Variants in PCSK6 observed in about 807,000 individuals in gnomAD.
PCSK6 encodes proprotein convertase subtilisin/kexin type 6.
A neutral mutation model predicts 123.3 loss-of-function variants in PCSK6; 85 were observed. The observed-to-expected ratio is 0.69, with a 90% CI of 0.58 to 0.83. The LOEUF (loss-of-function observed/expected upper bound fraction) is 0.83. PCSK6 is among the 40% of genes least tolerant of loss of function. The pLI is 0.00. For missense variants in PCSK6, 1,191 were observed against 1,282.3 expected (o/e 0.93, Z 1.09); for synonymous variants, 508 against 516.0 (o/e 0.98, Z 0.21).
chr15:101,476,514 T>C (rs1403051027), intron 1 of PCSK6, among the ~76,000 whole-genome samples: 1 of 136,820 alleles, frequency 7.3e-6, no homozygotes, highest in Non-Finnish European at 1.5e-5. Context: ...GAAGAAAACC[T>C]AGGTAGGTCC....
rs557556723 is a variant in PCSK6, at chr15:101,370,375, C to G, written c.1681G>C (p.Val561Leu). 6.4e-7 allele frequency: 1 copy of G among 1,553,954 alleles called. No homozygotes were observed. Among genetic ancestry groups the G allele is most frequent in the Non-Finnish European group, 8.7e-7 (1 of 1,148,412 alleles). The change falls in exon 12 of 22, where the codon GTT (valine) becomes CTT (leucine). Residue 561 changes from valine (V) to leucine (L), a missense_variant. Physicochemically the swap from Val to Leu is conservative, Grantham distance 32. Around this residue, in one of 3 missense-constraint regions of PCSK6, gnomAD observed 630 missense variants for 631.4 expected, o/e 1.00. Transcript: ENST00000611716. ...TGAGACTTGGTTCCCGAGGGAGAAA[C>G]CAGGTAGATCTGGAGGTCTCCTCGG... The part of the protein sequence containing the change: ...PRRGDLQIYL[V>L]SPSGTKSQLL...
chr15:101,364,625 A>G (rs1596237606), intron 13 of PCSK6, among the ~76,000 whole-genome samples: 1 of 152,370 alleles, frequency 6.6e-6, no homozygotes, highest in Non-Finnish European at 1.5e-5. Context: ...TATATACTCA[A>G]CACTACAAAA....
At chr15:101,358,007 C>A (rs1000501145) in intron 13 of PCSK6, among the ~76,000 whole-genome samples, 1 of 152,176 alleles carries the variant, frequency 6.6e-6, no homozygotes, top group African/African-American at 2.4e-5. Context: ...CCAGACCTGC[C>A]CCTGGAAGGA....
chr15:101,310,357 A>C (rs1179689879), intron 20 of PCSK6, among the ~76,000 whole-genome samples: 11 of 152,172 alleles, frequency 7.2e-5, no homozygotes. Context: ...CCTGAGGGGC[A>C]AAGAGAGGTT....
At chr15:101,338,464 C>G (rs2040532458) in intron 13 of PCSK6, among the ~76,000 whole-genome samples, 1 of 152,150 alleles carries the variant, frequency 6.6e-6, no homozygotes, top group Non-Finnish European at 1.5e-5. Context: ...GGAAGGTAAG[C>G]CACATGGGTG....
At chr15:101,411,627 C>T (rs1018608911) in intron 6 of PCSK6, among the ~76,000 whole-genome samples, 1 of 152,146 alleles carries the variant, frequency 6.6e-6, no homozygotes, top group African/African-American at 2.4e-5. Context: ...AACAGAGGGA[C>T]CCGACGAGAC....
At chr15:101,487,925 GTA>G (rs2058056973) in intron 1 of PCSK6, among the ~76,000 whole-genome samples, 1 of 152,092 alleles carries the variant, frequency 6.6e-6, no homozygotes, top group Non-Finnish European at 1.5e-5. Context: ...ATGTATGTGT[GTA>G]TATGTGTATA....
intron 13 of PCSK6, chr15:101,347,222 T>G: frequency 8.1e-7 from 1 of 1,232,226 alleles, no homozygotes; most frequent in East Asian, 3.2e-5. Context: ...AAGCACAGGA[T>G]AGATTGAGCC....
At chr15:101,481,993 T>C (rs927703283) in intron 1 of PCSK6, among the ~76,000 whole-genome samples, 13 of 152,068 alleles carry the variant, frequency 8.5e-5, no homozygotes, top group Non-Finnish European at 1.8e-4. Context: ...TCTGTGCGCG[T>C]TCACGCACAC....
intron 6 of PCSK6, among the ~76,000 whole-genome samples, chr15:101,410,549 C>T (rs28725233): frequency 0.024 from 3,710 of 152,250 alleles, 144 homozygotes; most frequent in African/African-American, 0.084. Context: ...ATTATCATAC[C>T]TTTTTAGGCC....
chr15:101,446,469 G>A (rs766524210), intron 1 of PCSK6, among the ~76,000 whole-genome samples: 5 of 152,096 alleles, frequency 3.3e-5, no homozygotes, highest in East Asian at 1.9e-4. Flanking sequence ...ATATCTGCTC[G>A]TGTCCCTGCT....
At chr15:101,389,176 C>G (rs1333609387) in intron 9 of PCSK6, among the ~76,000 whole-genome samples, 17 of 152,160 alleles carry the variant, frequency 1.1e-4, no homozygotes, top group Admixed American at 1.1e-3. Flanking sequence ...GGCTCCAGAA[C>G]TTTGAGAAAC....
intron 1 of PCSK6, among the ~76,000 whole-genome samples, chr15:101,469,097 AAC>A (rs891124965): frequency 3.3e-5 from 5 of 152,150 alleles, no homozygotes; most frequent in African/African-American, 1.2e-4. Flanking sequence ...CGCTATGAGA[AAC>A]ACGTGTTTTT....
intron 2 of PCSK6, among the ~76,000 whole-genome samples, chr15:101,434,345 G>C (rs1209015303): frequency 6.6e-6 from 1 of 152,154 alleles, no homozygotes; most frequent in Non-Finnish European, 1.5e-5. Flanking sequence ...TCCAATTGCT[G>C]TGCCCACCAG....
chr15:101,317,761 T>C (rs2040025530), intron 19 of PCSK6, among the ~76,000 whole-genome samples: 1 of 152,240 alleles, frequency 6.6e-6, no homozygotes, highest in Non-Finnish European at 1.5e-5. Flanking sequence ...GCTGGGTTTC[T>C]AATGAGAACC....
At chr15:101,457,762 C>A (rs2057226620) in intron 1 of PCSK6, among the ~76,000 whole-genome samples, 1 of 152,192 alleles carries the variant, frequency 6.6e-6, no homozygotes, top group Non-Finnish European at 1.5e-5. Context: ...CAGCCCTGGC[C>A]ACCCCTCTGG....
intron 2 of PCSK6, among the ~76,000 whole-genome samples, chr15:101,442,552 AGCCCT>A (rs1324544344): frequency 1.3e-5 from 2 of 152,198 alleles, no homozygotes; most frequent in Non-Finnish European, 2.9e-5. Flanking sequence ...ATACAAAAAG[AGCCCT>A]GATTGTCATT....
At chr15:101,448,240 A>T (rs2056943957) in intron 1 of PCSK6, among the ~76,000 whole-genome samples, 1 of 152,228 alleles carries the variant, frequency 6.6e-6, no homozygotes, top group Admixed American at 6.5e-5. Context: ...GCATTACTTG[A>T]TCAAACTGAT....
intron 13 of PCSK6, chr15:101,347,511 T>C: frequency 7.4e-7 from 1 of 1,342,984 alleles, no homozygotes; most frequent in Non-Finnish European, 9.6e-7. Flanking sequence ...ACAGAACTGG[T>C]TAAAATTATG....
Sources: allele counts gnomAD v4.1 joint callset (sites outside exome capture counted in the v4.1 genomes callset), GRCh38; gene constraint gnomAD v4.1.1; regional missense constraint gnomAD v4.1.1; transcripts MANE v1.5; gene names NCBI Gene and HGNC (gene_info 2026-07-23, HGNC 2026-07-21).